SPOCK3: variants seen among roughly 807,000 people sequenced by gnomAD.
SPOCK3 encodes testican-3.
SPOCK3 carries 30 observed loss-of-function variants against 56.6 expected under a neutral mutation model. The observed-to-expected ratio is 0.53, with a 90% CI of 0.40 to 0.72. The LOEUF (loss-of-function observed/expected upper bound fraction) is 0.72, where lower values mean the gene tolerates loss of function less well. SPOCK3 is among the 30% of genes least tolerant of loss of function. The pLI, the probability that SPOCK3 is intolerant of heterozygous loss-of-function variation, is 0.00. For missense variants in SPOCK3, 527 were observed against 530.0 expected (o/e 0.99, Z 0.06); for synonymous variants, 196 against 183.3 (o/e 1.07, Z -0.56).
intron 2 of SPOCK3, among the ~76,000 whole-genome samples, chr4:167,109,000 ATAT>A (rs1561223837): frequency 3.9e-5 from 4 of 102,192 alleles, no homozygotes; most frequent in East Asian, 2.4e-4. Context: ...ATTTATATAT[ATAT>A]AAATATATAC....
At chr4:166,896,275 T>C (rs1247354947) in intron 5 of SPOCK3, among the ~76,000 whole-genome samples, 1 of 152,062 alleles carries the variant, frequency 6.6e-6, no homozygotes, top group Non-Finnish European at 1.5e-5. Context: ...TTTACTCACA[T>C]CAAGAAGAGA....
At chr4:166,941,146 C>T (rs772471947) in intron 4 of SPOCK3, among the ~76,000 whole-genome samples, 17 of 152,032 alleles carry the variant, frequency 1.1e-4, no homozygotes, top group Admixed American at 7.9e-4. Context: ...TTCAGGAGGG[C>T]TGTCAGCCAG....
At chr4:167,153,179 T>C (rs1041420694) in intron 2 of SPOCK3, among the ~76,000 whole-genome samples, 2 of 152,168 alleles carry the variant, frequency 1.3e-5, no homozygotes, top group African/African-American at 2.4e-5. Flanking sequence ...GTATGTGTGA[T>C]TGGGCTTTGA....
At chr4:166,949,467 G>A (rs1742231652) in intron 4 of SPOCK3, among the ~76,000 whole-genome samples, 1 of 151,952 alleles carries the variant, frequency 6.6e-6, no homozygotes, top group Non-Finnish European at 1.5e-5. Context: ...CCATCTTTGT[G>A]GTTTTATCTA....
intron 4 of SPOCK3, among the ~76,000 whole-genome samples, chr4:166,962,508 T>G (rs1391410292): frequency 6.6e-6 from 1 of 152,096 alleles, no homozygotes; most frequent in African/African-American, 2.4e-5. Context: ...TTAGAGAACC[T>G]TCTATAGTTA....
intron 2 of SPOCK3, among the ~76,000 whole-genome samples, chr4:167,102,763 C>T (rs1159420859): frequency 2.6e-5 from 4 of 151,862 alleles, no homozygotes; most frequent in Non-Finnish European, 5.9e-5. Flanking sequence ...TCAAACCTCG[C>T]CACCATGGCC....
intron 8 of SPOCK3, among the ~76,000 whole-genome samples, chr4:166,750,042 G>T (rs1736177637): frequency 6.6e-6 from 1 of 152,120 alleles, no homozygotes; most frequent in South Asian, 2.1e-4. Context: ...ATTTTGATTA[G>T]TAACCTCAGA....
At chr4:166,958,193 A>C (rs1469543458) in intron 4 of SPOCK3, among the ~76,000 whole-genome samples, 1 of 152,050 alleles carries the variant, frequency 6.6e-6, no homozygotes, top group Non-Finnish European at 1.5e-5. Flanking sequence ...TGCTCTCTTG[A>C]GGTATGGCTG....
chr4:167,181,901 C>T (rs1731492781), intron 2 of SPOCK3, among the ~76,000 whole-genome samples: 1 of 152,146 alleles, frequency 6.6e-6, no homozygotes, highest in East Asian at 1.9e-4. Flanking sequence ...TGTCTTCTAC[C>T]ACTGAAATGT....
intron 2 of SPOCK3, among the ~76,000 whole-genome samples, chr4:167,152,656 G>C (rs909293040): frequency 6.6e-6 from 1 of 152,162 alleles, no homozygotes; most frequent in African/African-American, 2.4e-5. Flanking sequence ...GTAATTATGA[G>C]TGCTTGTTGA....
At chr4:166,893,531 TA>T (rs1735013812) in intron 5 of SPOCK3, among the ~76,000 whole-genome samples, 1 of 152,088 alleles carries the variant, frequency 6.6e-6, no homozygotes, top group Non-Finnish European at 1.5e-5. Context: ...AAACAAGACA[TA>T]TTTTTACAAT....
At chr4:167,133,408 G>T (rs1241671117) in intron 2 of SPOCK3, among the ~76,000 whole-genome samples, 1 of 152,128 alleles carries the variant, frequency 6.6e-6, no homozygotes, top group East Asian at 1.9e-4. Flanking sequence ...GTAGACTTCT[G>T]CTTCCGGAAC....
At chr4:167,139,892 T>C (rs1763395965) in intron 2 of SPOCK3, among the ~76,000 whole-genome samples, 1 of 152,126 alleles carries the variant, frequency 6.6e-6, no homozygotes, top group South Asian at 2.1e-4. Context: ...GTTGTCCCCA[T>C]GTAACCCAAT....
chr4:167,014,276 G>GCT (rs1277077044), intron 3 of SPOCK3, among the ~76,000 whole-genome samples: 2 of 138,918 alleles, frequency 1.4e-5, no homozygotes, highest in Non-Finnish European at 3.2e-5. Flanking sequence ...TCTTGAGTGG[G>GCT]TTTTTTTTTT....
intron 2 of SPOCK3, among the ~76,000 whole-genome samples, chr4:167,116,687 A>G (rs1761410125): frequency 2.6e-5 from 1 of 38,616 alleles, no homozygotes; most frequent in Admixed American, 2.3e-4. Flanking sequence ...GTATATATAC[A>G]CACATATAGT....
At chr4:167,035,469 A>G (rs1489600592) in intron 3 of SPOCK3, among the ~76,000 whole-genome samples, 1 of 152,162 alleles carries the variant, frequency 6.6e-6, no homozygotes, top group African/African-American at 2.4e-5. Context: ...CAGCTCAAGA[A>G]AAGTCCCTAC....
intron 2 of SPOCK3, among the ~76,000 whole-genome samples, chr4:167,095,208 C>T (rs1481694702): frequency 1.3e-5 from 2 of 152,084 alleles, no homozygotes; most frequent in African/African-American, 4.8e-5. Context: ...AACCAAATAT[C>T]TGGGAACCCT....
intron 2 of SPOCK3, among the ~76,000 whole-genome samples, chr4:167,168,754 C>G (rs1730226773): frequency 6.6e-6 from 1 of 152,078 alleles, no homozygotes; most frequent in Non-Finnish European, 1.5e-5. Flanking sequence ...TGTTAATCAC[C>G]AAGACAATGG....
chr4:166,995,760 T>A (rs1412412691), intron 4 of SPOCK3, among the ~76,000 whole-genome samples: 1 of 152,096 alleles, frequency 6.6e-6, no homozygotes, highest in Admixed American at 6.6e-5. Context: ...ATACATTAAG[T>A]GTGAAATAAA....
Sources: gnomAD v4.1 joint callset for allele counts (sites outside exome capture counted in the v4.1 genomes callset) on GRCh38, gnomAD v4.1.1 for gene constraint, MANE v1.5 for transcripts, NCBI Gene and HGNC (gene_info 2026-07-23, HGNC 2026-07-21) for gene names.